Variants in DAB1 observed in about 807,000 individuals in gnomAD.
The protein encoded by DAB1 is disabled homolog 1.
A neutral mutation model predicts 64.6 loss-of-function variants in DAB1; 15 were observed. That is an observed-to-expected ratio of 0.23 (90% CI 0.16 to 0.36). The LOEUF is 0.36. Ranked by LOEUF, DAB1 falls within the 10% of genes least tolerant of loss-of-function variation. The pLI is 1.00. For synonymous variants in DAB1, 235 were observed against 251.9 expected (o/e 0.93, Z 0.64); for missense variants, 596 against 706.7 (o/e 0.84, Z 1.78).
chr1:58,305,093 T>C (rs1368315125), intron 4 of DAB1, among the ~76,000 whole-genome samples: 3 of 152,014 alleles, frequency 2.0e-5, no homozygotes. Context: ...TGGGCTCAAG[T>C]AATCACAGGT....
intron 4 of DAB1, among the ~76,000 whole-genome samples, chr1:58,274,897 C>A (rs1272057117): frequency 6.6e-6 from 1 of 151,966 alleles, no homozygotes; most frequent in East Asian, 1.9e-4. Flanking sequence ...TGGCCTGCGC[C>A]CACTGTCTGG....
At chr1:57,480,015 G>A (rs1236072152) in intron 7 of DAB1, among the ~76,000 whole-genome samples, 1 of 151,746 alleles carries the variant, frequency 6.6e-6, no homozygotes, top group African/African-American at 2.4e-5. Flanking sequence ...AGCCGGGCAT[G>A]GTGGCGCGCG....
chr1:58,035,316 CTTAA>C (rs1245230239), intron 5 of DAB1, among the ~76,000 whole-genome samples: 2 of 152,256 alleles, frequency 1.3e-5, no homozygotes, highest in African/African-American at 4.8e-5. Flanking sequence ...CGGGCCCTCC[CTTAA>C]TTGCGGAATC....
At chr1:58,123,857 G>C (rs775469990) in intron 5 of DAB1, among the ~76,000 whole-genome samples, 12 of 152,126 alleles carry the variant, frequency 7.9e-5, no homozygotes, top group Non-Finnish European at 1.6e-4. Context: ...TAAGACTCAG[G>C]CTTTGCAGTT....
intron 5 of DAB1, among the ~76,000 whole-genome samples, chr1:58,119,861 TTC>T (rs1315794178): frequency 2.0e-5 from 3 of 152,076 alleles, no homozygotes; most frequent in Non-Finnish European, 4.4e-5. Flanking sequence ...ATTTAGTAAG[TTC>T]ATTATCGTAG....
At chr1:58,255,576 T>C (rs928194676) in intron 4 of DAB1, among the ~76,000 whole-genome samples, 15 of 152,134 alleles carry the variant, frequency 9.9e-5, no homozygotes, top group Non-Finnish European at 1.5e-4. Context: ...CTCAAACATA[T>C]GGAAAAAATA....
intron 1 of DAB1, among the ~76,000 whole-genome samples, chr1:57,832,703 G>T (rs904087309): frequency 2.0e-5 from 3 of 152,182 alleles, no homozygotes; most frequent in Admixed American, 6.5e-5. Context: ...TTTCTGGGGG[G>T]GCAAAGAGAG....
At chr1:57,954,347 G>A (rs1645341739) in intron 5 of DAB1, among the ~76,000 whole-genome samples, 1 of 152,156 alleles carries the variant, frequency 6.6e-6, no homozygotes, top group Admixed American at 6.6e-5. Flanking sequence ...GTCATTAAAT[G>A]AGCATGCGAT....
intron 5 of DAB1, among the ~76,000 whole-genome samples, chr1:58,124,598 G>A (rs1652952219): frequency 6.6e-6 from 1 of 152,170 alleles, no homozygotes; most frequent in Non-Finnish European, 1.5e-5. Context: ...GGCCATCAGA[G>A]AAATGATTAA....
intron 4 of DAB1, among the ~76,000 whole-genome samples, chr1:58,276,110 C>T (rs192728351): frequency 1.3e-5 from 2 of 152,200 alleles, no homozygotes; most frequent in East Asian, 3.9e-4. Flanking sequence ...CTAATGTAGT[C>T]AGATTATTCA....
intron 6 of DAB1, among the ~76,000 whole-genome samples, chr1:57,798,538 T>C (rs1436584639): frequency 6.6e-6 from 1 of 152,360 alleles, no homozygotes; most frequent in East Asian, 1.9e-4. Flanking sequence ...TGAATTAGTC[T>C]TGTTAAAGGA....
At chr1:57,048,931 C>G (rs367624362) in intron 9 of DAB1, among the ~76,000 whole-genome samples, 1 of 152,210 alleles carries the variant, frequency 6.6e-6, no homozygotes, top group East Asian at 1.9e-4. Context: ...ACCACTTATC[C>G]CTTTCCCGAT....
intron 5 of DAB1, among the ~76,000 whole-genome samples, chr1:57,957,769 T>C (rs1293110363): frequency 6.6e-6 from 1 of 152,012 alleles, no homozygotes; most frequent in South Asian, 2.1e-4. Flanking sequence ...AAACCAGAGG[T>C]AGGAAGGCAG....
At chr1:57,150,546 G>T (rs575096645) in intron 2 of DAB1, among the ~76,000 whole-genome samples, 1 of 152,116 alleles carries the variant, frequency 6.6e-6, no homozygotes, top group Non-Finnish European at 1.5e-5. Context: ...ATTTCAAAAG[G>T]CGTCATATAC....
At position 57,542,373 on chromosome 1, in the gene DAB1, C is replaced by T. The variant is rs147700920; in HGVS notation, n.625+107219G>A. Reference sequence around the variant, plus strand: ...CCAGGCCTGGCAGTGGGCCACACCCCCTAGGGTCAAGATGTGAGGAAAGGA... The same window carrying T: ...CCAGGCCTGGCAGTGGGCCACACCCTCTAGGGTCAAGATGTGAGGAAAGGA... On this transcript the variant is annotated intron_variant and non_coding_transcript_variant, in intron 7 of 20. Transcript: ENST00000485760. Among the ~76,000 whole-genome samples, 1,081 of 151,324 alleles carry T rather than the reference C, an allele frequency of 7.1e-3. 10 individuals carry two copies. Among genetic ancestry groups the T allele is most frequent in the African/African-American group, 0.025 (1,009 of 41,166 alleles).
chr1:57,346,575 T>A (rs1006067692), intron 1 of DAB1, among the ~76,000 whole-genome samples: 2 of 152,162 alleles, frequency 1.3e-5, no homozygotes, highest in Non-Finnish European at 2.9e-5. Flanking sequence ...TTCCTTTACA[T>A]CCTTTATTTA....
intron 6 of DAB1, among the ~76,000 whole-genome samples, chr1:57,650,146 C>CT (rs1262944503): frequency 6.6e-6 from 1 of 151,912 alleles, no homozygotes; most frequent in Non-Finnish European, 1.5e-5. Flanking sequence ...TCTTCGTCTT[C>CT]TTTTTTTTAG....
At chr1:57,945,172 C>T (rs1332247108) in intron 5 of DAB1, among the ~76,000 whole-genome samples, 1 of 152,116 alleles carries the variant, frequency 6.6e-6, no homozygotes, top group South Asian at 2.1e-4. Context: ...CATGCAAGGC[C>T]ACAGAAAGAT....
rs1381777770 is a variant in DAB1 at position 58,047,808 on chromosome 1, C to A, written n.387+102703G>T. The A allele has an allele frequency of 3.9e-5, 9 of 231,104 alleles. No individual in the cohort carries two copies. The South Asian group carries it at 4.3e-4, about 11-fold the overall frequency. 14.3% of individuals were successfully genotyped at this position (231,104 alleles called of 1,614,324 possible). ...CAGTCAACAACTGTTTATCCGGCAT[C>A]CAAGAAAAAGGAAACATAAATAACC... On this transcript the variant is annotated intron_variant and non_coding_transcript_variant, in intron 5 of 20. Transcript: ENST00000485760.
Sources: allele counts gnomAD v4.1 joint callset (sites outside exome capture counted in the v4.1 genomes callset), GRCh38; gene constraint gnomAD v4.1.1; transcripts MANE v1.5; gene names NCBI Gene and HGNC (gene_info 2026-07-23, HGNC 2026-07-21).